Variants in ABHD17B observed in about 807,000 individuals in gnomAD.
The protein encoded by ABHD17B is abhydrolase domain containing 17B, depalmitoylase.
In ABHD17B, 9 loss-of-function variants were observed where a neutral mutation model predicts 26.2. The ratio of observed to expected loss-of-function variants is 0.34; its 90% CI spans 0.21 to 0.60. The LOEUF (loss-of-function observed/expected upper bound fraction) is 0.60. ABHD17B is among the 20% of genes least tolerant of loss of function. The pLI, the probability that ABHD17B is intolerant of heterozygous loss-of-function variation, is 0.80. For synonymous variants in ABHD17B, 127 were observed against 122.3 expected (o/e 1.04, Z -0.25); for missense variants, 224 against 352.1 (o/e 0.64, Z 2.91).
At chr9:71,908,988 T>C (rs916672298) in intron 1 of ABHD17B, among the ~76,000 whole-genome samples, 7 of 152,236 alleles carry the variant, frequency 4.6e-5, no homozygotes, top group Non-Finnish European at 1.0e-4. Flanking sequence ...AATTCTTCTG[T>C]GTTCATTAAG....
At chr9:71,907,559 T>C (rs1827322308) in intron 1 of ABHD17B, among the ~76,000 whole-genome samples, 1 of 152,194 alleles carries the variant, frequency 6.6e-6, no homozygotes. Flanking sequence ...CTGCCCACGC[T>C]GGAGTGCAAT....
chr9:71,865,121 G>C, downstream of ABHD17B: 1 of 978,180 alleles, frequency 1.0e-6, no homozygotes, highest in Non-Finnish European at 1.2e-6. Flanking sequence ...TGTGGGGGTG[G>C]GGAGCATGGA....
chr9:71,868,310 G>A (rs1175776901), intron 3 of ABHD17B, among the ~76,000 whole-genome samples: 2 of 152,114 alleles, frequency 1.3e-5, no homozygotes, highest in South Asian at 2.1e-4. Context: ...AATCTTGATT[G>A]TCTGCTTATA....
intron 1 of ABHD17B, among the ~76,000 whole-genome samples, chr9:71,901,172 T>TA (rs1564073818): frequency 3.5e-3 from 528 of 151,090 alleles, no homozygotes; most frequent in African/African-American, 0.012. Context: ...AATAAATAAA[T>TA]AATTTTTTTT....
chr9:71,894,247 ACTTATTT>A (rs1826889122), intron 1 of ABHD17B, among the ~76,000 whole-genome samples: 2 of 152,098 alleles, frequency 1.3e-5, no homozygotes, highest in South Asian at 2.1e-4. Context: ...CTGATGTTTG[ACTTATTT>A]CTTATTTATC....
At chr9:71,896,096 C>T (rs952442496) in intron 1 of ABHD17B, among the ~76,000 whole-genome samples, 2 of 152,168 alleles carry the variant, frequency 1.3e-5, no homozygotes, top group Non-Finnish European at 2.9e-5. Context: ...AGAACCCTTC[C>T]TTTTTGCACC....
rs1410037283 is a variant in ABHD17B, at chr9:71,866,036, C to A, written c.*751G>T. On this transcript the variant is annotated 3_prime_UTR_variant, in exon 4 of 4. Coordinates refer to ENST00000333421, the MANE Select transcript of ABHD17B (RefSeq NM_001025780.3). ...TCGTATACAAAATCATTCTTGAAAT[C>A]TCTAAATGCCTTTTAAGTAACCAGC... The A allele has an allele frequency of 2.0e-6, 2 of 985,248 alleles. No homozygotes were observed. The highest frequency in any genetic ancestry group is 2.4e-6 in the Non-Finnish European group (2 of 829,916). The allele number at this position is 985,248 out of a possible 1,614,324, so 61.0% of individuals were successfully genotyped here.
chr9:71,865,102 T>C (rs538185994), downstream of ABHD17B: 1 of 959,384 alleles, frequency 1.0e-6, no homozygotes, highest in South Asian at 4.8e-5. Flanking sequence ...TTTTTTTCAC[T>C]CTTTCTAGTG....
intron 1 of ABHD17B, among the ~76,000 whole-genome samples, chr9:71,891,382 T>C (rs984636279): frequency 3.3e-5 from 5 of 152,226 alleles, no homozygotes; most frequent in Non-Finnish European, 5.9e-5. Context: ...TTAGCTCAGA[T>C]AATTTTTCTT....
downstream of ABHD17B, among the ~76,000 whole-genome samples, chr9:71,863,540 C>A (rs1380040901): frequency 6.6e-6 from 1 of 152,046 alleles, no homozygotes; most frequent in Non-Finnish European, 1.5e-5. Context: ...TCTCAAACGA[C>A]CTTACACACA....
chr9:71,891,023 C>T (rs1826764448), intron 1 of ABHD17B, among the ~76,000 whole-genome samples: 1 of 152,146 alleles, frequency 6.6e-6, no homozygotes, highest in Admixed American at 6.5e-5. Flanking sequence ...CTACAACTCC[C>T]AAGCACTACC....
At chr9:71,891,603 T>C (rs767498786) in intron 1 of ABHD17B, among the ~76,000 whole-genome samples, 1 of 152,222 alleles carries the variant, frequency 6.6e-6, no homozygotes, top group Non-Finnish European at 1.5e-5. Context: ...TCCTTTATAT[T>C]TGTGTAAGCC....
At chr9:71,880,879 A>C (rs1486520454) in intron 1 of ABHD17B, among the ~76,000 whole-genome samples, 1 of 152,000 alleles carries the variant, frequency 6.6e-6, no homozygotes, top group Non-Finnish European at 1.5e-5. Context: ...TTCCAGCAGA[A>C]ATTTGAGGAA....
chr9:71,866,814 A>C lies in ABHD17B; in HGVS notation c.840T>G (p.Phe280Leu), dbSNP rs565932773. The stretch of plus-strand genomic sequence containing the variant: ...ACAAATTTACCAGTTCCTGTGACAC[A>C]AACTGTTTCAACCTTTCAAGATACT... ...YGQYLERLKQ[F>L]VSQELVNL is the part of the protein sequence containing the mutation. The change falls in exon 4 of 4, where the codon TTT becomes TTG. Residue 280 changes from phenylalanine to leucine, a missense_variant. Physicochemically the swap from Phe to Leu is conservative, Grantham distance 22. Coordinates refer to ENST00000333421, the MANE Select transcript of ABHD17B (RefSeq NM_001025780.3). 1 of 1,614,190 alleles carries C rather than the reference A, an allele frequency of 6.2e-7. No homozygotes were observed. The highest frequency in any genetic ancestry group is 8.5e-7 in the Non-Finnish European group (1 of 1,180,034).
intron 1 of ABHD17B, among the ~76,000 whole-genome samples, chr9:71,891,347 T>C (rs948689443): frequency 6.6e-6 from 1 of 152,228 alleles, no homozygotes; most frequent in Non-Finnish European, 1.5e-5. Flanking sequence ...ATGGGTCCAT[T>C]TGATCTAAAG....
chr9:71,906,676 G>T (rs1045553728), intron 1 of ABHD17B, among the ~76,000 whole-genome samples: 4 of 152,102 alleles, frequency 2.6e-5, no homozygotes, highest in African/African-American at 9.7e-5. Flanking sequence ...AAATTAGCCA[G>T]GCTTGATGGT....
intron 1 of ABHD17B, among the ~76,000 whole-genome samples, chr9:71,905,018 G>C (rs777696670): frequency 1.3e-5 from 2 of 152,028 alleles, no homozygotes; most frequent in African/African-American, 2.4e-5. Context: ...TATAGAGAAG[G>C]CTTTCTCCAA....
chr9:71,903,013 C>A (rs1025745278), intron 1 of ABHD17B, among the ~76,000 whole-genome samples: 3 of 152,158 alleles, frequency 2.0e-5, no homozygotes. Context: ...ATTTCAACCC[C>A]CTTTCTTCAC....
chr9:71,907,181 T>C (rs770213977), intron 1 of ABHD17B, among the ~76,000 whole-genome samples: 1 of 152,042 alleles, frequency 6.6e-6, no homozygotes, highest in African/African-American at 2.4e-5. Context: ...AAAATGACCA[T>C]CAACAGAAAC....
Sources: gnomAD v4.1 joint callset for allele counts (sites outside exome capture counted in the v4.1 genomes callset) on GRCh38, gnomAD v4.1.1 for gene constraint, MANE v1.5 for transcripts, NCBI Gene and HGNC (gene_info 2026-07-23, HGNC 2026-07-21) for gene names.